The following SLC25A21 variants were observed in gnomAD, a reference collection of about 807,000 sequenced individuals.
The protein encoded by SLC25A21 is mitochondrial 2-oxodicarboxylate carrier.
Under a neutral mutation model 43.8 loss-of-function variants are expected in SLC25A21, and 47 were observed. The observed-to-expected ratio is 1.07, with a 90% CI of 0.85 to 1.37. SLC25A21 has a LOEUF of 1.37. Among genes scored for constraint, SLC25A21 ranks in the 40% most tolerant of loss-of-function variants. SLC25A21 has a pLI of 0.00. For missense variants in SLC25A21, 352 were observed against 350.2 expected (o/e 1.00, Z -0.04); for synonymous variants, 131 against 121.3 (o/e 1.08, Z -0.52).
At chr14:36,691,894 T>C (rs1018441644) in intron 7 of SLC25A21, among the ~76,000 whole-genome samples, 5 of 152,232 alleles carry the variant, frequency 3.3e-5, no homozygotes, top group Non-Finnish European at 7.3e-5. Context: ...GTCTGAAATA[T>C]TAATGAATAT....
chr14:36,871,321 C>T (rs994999387), intron 2 of SLC25A21, among the ~76,000 whole-genome samples: 1 of 152,100 alleles, frequency 6.6e-6, no homozygotes, highest in Non-Finnish European at 1.5e-5. Context: ...GGAAACAGGC[C>T]GTTACCAGAC....
chr14:36,880,806 A>T (rs1216088767), intron 1 of SLC25A21, among the ~76,000 whole-genome samples: 1 of 152,218 alleles, frequency 6.6e-6, no homozygotes, highest in Non-Finnish European at 1.5e-5. Flanking sequence ...ATTGTTAATC[A>T]CATATCCTGC....
At chr14:36,905,828 C>G (rs1193800162) in intron 1 of SLC25A21, among the ~76,000 whole-genome samples, 1 of 152,132 alleles carries the variant, frequency 6.6e-6, no homozygotes, top group African/African-American at 2.4e-5. Flanking sequence ...GTGACCTTGT[C>G]CCTTGATCCT....
intron 1 of SLC25A21, among the ~76,000 whole-genome samples, chr14:37,089,261 ATG>A (rs1252074126): frequency 1.3e-5 from 2 of 152,184 alleles, no homozygotes; most frequent in African/African-American, 2.4e-5. Flanking sequence ...CTCTCAAAAT[ATG>A]TGTGTTAACA....
chr14:37,009,111 A>C (rs1439117998), intron 1 of SLC25A21, among the ~76,000 whole-genome samples: 3 of 152,136 alleles, frequency 2.0e-5, no homozygotes, highest in Non-Finnish European at 4.4e-5. Flanking sequence ...TTTATTCTTA[A>C]TCTCACATCA....
intron 2 of SLC25A21, among the ~76,000 whole-genome samples, chr14:36,836,470 T>C (rs1255726999): frequency 6.6e-6 from 1 of 152,216 alleles, no homozygotes; most frequent in Non-Finnish European, 1.5e-5. Flanking sequence ...ATTGAGCCCA[T>C]GGTGTCTTTA....
At chr14:36,903,008 C>T (rs112120876) in intron 1 of SLC25A21, among the ~76,000 whole-genome samples, 2 of 152,106 alleles carry the variant, frequency 1.3e-5, no homozygotes, top group African/African-American at 2.4e-5. Context: ...ACAAACCTGA[C>T]TCACTGAGCT....
chr14:36,781,306 G>A (rs914241307), intron 3 of SLC25A21, among the ~76,000 whole-genome samples: 4 of 151,982 alleles, frequency 2.6e-5, no homozygotes, highest in Non-Finnish European at 1.5e-5. Context: ...TTCTTTTACT[G>A]GAAAATTTAG....
chr14:37,083,967 T>C (rs1962436415), intron 1 of SLC25A21, among the ~76,000 whole-genome samples: 1 of 152,354 alleles, frequency 6.6e-6, no homozygotes, highest in South Asian at 2.1e-4. Context: ...AATTCTATGG[T>C]TAGTTAAAAT....
At chr14:36,706,650 T>A (rs893439306) in intron 7 of SLC25A21, among the ~76,000 whole-genome samples, 4 of 152,162 alleles carry the variant, frequency 2.6e-5, no homozygotes, top group Admixed American at 2.6e-4. Flanking sequence ...CACAATTGTT[T>A]CAGTTGCTCA....
intron 1 of SLC25A21, among the ~76,000 whole-genome samples, chr14:37,007,727 G>A (rs960355802): frequency 6.6e-6 from 1 of 151,902 alleles, no homozygotes; most frequent in Non-Finnish European, 1.5e-5. Flanking sequence ...TTATTGGCAC[G>A]CTTTACGGGA....
At chr14:37,060,011 A>C (rs1961909930) in intron 1 of SLC25A21, among the ~76,000 whole-genome samples, 1 of 152,090 alleles carries the variant, frequency 6.6e-6, no homozygotes, top group South Asian at 2.1e-4. Context: ...GATAAGAGAA[A>C]TATTTCATTT....
chr14:36,696,161 A>G (rs1310896715), intron 7 of SLC25A21, among the ~76,000 whole-genome samples: 1 of 152,196 alleles, frequency 6.6e-6, no homozygotes, highest in African/African-American at 2.4e-5. Flanking sequence ...ATCTATTGAG[A>G]TAATCATGTG....
intron 1 of SLC25A21, among the ~76,000 whole-genome samples, chr14:36,953,410 C>A (rs1377453226): frequency 1.3e-5 from 2 of 151,924 alleles, no homozygotes; most frequent in Admixed American, 1.3e-4. Flanking sequence ...ATATAGATAG[C>A]ATATATAGTC....
intron 1 of SLC25A21, among the ~76,000 whole-genome samples, chr14:37,132,858 C>A (rs929560660): frequency 6.6e-6 from 1 of 151,870 alleles, no homozygotes; most frequent in African/African-American, 2.4e-5. Flanking sequence ...AGCCTCCCGA[C>A]TAACTGGGAC....
chr14:36,684,964 G>A (rs752793158), intron 7 of SLC25A21, 39 bp from the exon 8 acceptor site: 41 of 1,550,404 alleles, frequency 2.6e-5, no homozygotes, highest in South Asian at 3.5e-5. Context: ...AAAGGGGAGC[G>A]GAAGCCCCTA....
At chr14:37,111,347 G>A (rs1029512289) in intron 1 of SLC25A21, among the ~76,000 whole-genome samples, 1 of 152,110 alleles carries the variant, frequency 6.6e-6, no homozygotes, top group East Asian at 1.9e-4. Flanking sequence ...TCACTTCGGT[G>A]ATTATGGATG....
At chr14:36,912,224 ATAGT>A (rs1217057011) in intron 1 of SLC25A21, among the ~76,000 whole-genome samples, 1 of 152,238 alleles carries the variant, frequency 6.6e-6, no homozygotes, top group Non-Finnish European at 1.5e-5. Flanking sequence ...CATTCAACAA[ATAGT>A]TAGCAGTTAC....
At chr14:36,790,250 G>C (rs1487512560) in intron 3 of SLC25A21, among the ~76,000 whole-genome samples, 2 of 151,738 alleles carry the variant, frequency 1.3e-5, no homozygotes, top group East Asian at 3.9e-4. Flanking sequence ...TAGCTCAAAG[G>C]AAATGTCCAA....
Sources: allele counts gnomAD v4.1 joint callset (sites outside exome capture counted in the v4.1 genomes callset), GRCh38; gene constraint gnomAD v4.1.1; transcripts MANE v1.5; gene names NCBI Gene and HGNC (gene_info 2026-07-23, HGNC 2026-07-21).